PRDM6: variants seen among roughly 807,000 people sequenced by gnomAD.
The protein encoded by PRDM6 is PR/SET domain 6, also known as putative histone-lysine N-methyltransferase PRDM6.
In PRDM6, 25 loss-of-function variants were observed where a neutral mutation model predicts 60.8. The ratio of observed to expected loss-of-function variants is 0.41; its 90% CI spans 0.30 to 0.57. PRDM6 has a LOEUF of 0.57. Ranked by LOEUF, PRDM6 falls within the 20% of genes least tolerant of loss-of-function variation. The pLI, the probability that PRDM6 is intolerant of heterozygous loss-of-function variation, is 0.27. For synonymous variants in PRDM6, 407 were observed against 357.4 expected (o/e 1.14, Z -1.57); for missense variants, 839 against 821.3 (o/e 1.02, Z -0.26).
chr5:123,162,267 G>T (rs1039474843), intron 5 of PRDM6, among the ~76,000 whole-genome samples: 1 of 152,174 alleles, frequency 6.6e-6, no homozygotes. Context: ...GGCATTGAGG[G>T]GTTGGAGTAG....
At chr5:123,117,189 AT>A (rs1276015062) in intron 3 of PRDM6, among the ~76,000 whole-genome samples, 4 of 152,108 alleles carry the variant, frequency 2.6e-5, no homozygotes, top group Non-Finnish European at 5.9e-5. Flanking sequence ...CCAACAGTTC[AT>A]TTAAATTTGG....
In PRDM6 at chr5:123,187,520, G is replaced by A. The variant is rs545784652; in HGVS notation, c.*319G>A. The A allele has an allele frequency of 3.0e-5, 7 of 236,374 alleles. No individual in the cohort carries two copies. The South Asian group carries it at 3.7e-4, about 13-fold the overall frequency. 14.6% of individuals were successfully genotyped at this position (236,374 alleles called of 1,614,324 possible). On this transcript the variant is annotated 3_prime_UTR_variant, in exon 8 of 8. Transcript: ENST00000407847. ...TAAAAACTGTTATTTAATACCAAAG[G>A]GAGGAATCGTATGGGTTCTTCTGCC...
intron 3 of PRDM6, among the ~76,000 whole-genome samples, chr5:123,138,313 G>A (rs1471503055): frequency 6.6e-6 from 1 of 152,214 alleles, no homozygotes; most frequent in Non-Finnish European, 1.5e-5. Context: ...TAAGAGAAGT[G>A]TGAAACATAC....
At chr5:123,176,529 G>C (rs143311773) in intron 6 of PRDM6, among the ~76,000 whole-genome samples, 100 of 152,086 alleles carry the variant, frequency 6.6e-4, no homozygotes, top group Non-Finnish European at 1.2e-3. Flanking sequence ...TGGGCAACCT[G>C]GTGAAACCCC....
intron 3 of PRDM6, among the ~76,000 whole-genome samples, chr5:123,154,616 T>C (rs1765451634): frequency 6.6e-6 from 1 of 152,172 alleles, no homozygotes; most frequent in South Asian, 2.1e-4. Context: ...TCCCCCGGAA[T>C]AGAACTGCTG....
chr5:123,098,791 G>T (rs1231284621), intron 2 of PRDM6, among the ~76,000 whole-genome samples: 4 of 152,192 alleles, frequency 2.6e-5, no homozygotes, highest in Admixed American at 2.0e-4. Flanking sequence ...TAGGGAGAGC[G>T]TGCACACCAA....
At chr5:123,159,410 G>GT in intron 4 of PRDM6, 104 bp from the exon 5 acceptor site, 1 of 1,285,828 alleles carries the variant, frequency 7.8e-7, no homozygotes, top group Non-Finnish European at 1.1e-6. Flanking sequence ...AACAGAAACT[G>GT]TTTAGATGGA....
chr5:123,155,904 A>T lies in PRDM6; in HGVS notation c.921A>T (p.Thr307=), dbSNP rs1267673646. 6.4e-7 allele frequency: 1 copy of T among 1,551,548 alleles called. No individual in the cohort carries two copies. Among genetic ancestry groups the T allele is most frequent in the Non-Finnish European group, 8.7e-7 (1 of 1,146,868 alleles). Reference sequence around the variant, plus strand: ...TCCAGATATATGACCAGGATGGGACACTACAGCACTTTATTGATGGTGGGG... The same window carrying T: ...TCCAGATATATGACCAGGATGGGACTCTACAGCACTTTATTGATGGTGGGG... ...HLWEIYDQDG[T]LQHFIDGGEP... Residue 307 remains threonine, a synonymous_variant, in exon 4 of 8, where the codon ACA becomes ACT. Coordinates refer to ENST00000407847, the MANE Select transcript of PRDM6 (RefSeq NM_001136239.4).
intron 3 of PRDM6, among the ~76,000 whole-genome samples, chr5:123,145,580 C>T (rs942262020): frequency 2.6e-5 from 4 of 152,110 alleles, no homozygotes; most frequent in African/African-American, 7.2e-5. Flanking sequence ...CTTACATACT[C>T]CCTTTCTTGA....
rs114353540 is a variant in PRDM6 at position 123,158,252 on chromosome 5, C to T, written c.1029-1262C>T. Among the ~76,000 whole-genome samples the T allele has an allele frequency of 3.1e-3, 467 of 152,248 alleles. 2 individuals carry two copies. The highest frequency in any genetic ancestry group is 0.011 in the African/African-American group (448 of 41,558). On this transcript the variant is annotated intron_variant, in intron 4 of 7. Coordinates refer to ENST00000407847, the MANE Select transcript of PRDM6 (RefSeq NM_001136239.4). ...TTGCAAGGGTGAAGTACAAAGTAGA[C>T]TCAATTTTTCTCAAGTTAGAAGATG...
rs560661991 is a variant in PRDM6 at position 123,104,436 on chromosome 5, G to A, written c.900+4475G>A. 1.4e-3 allele frequency among the ~76,000 whole-genome samples: 210 copies of A among 151,664 alleles called. 1 individual carries two copies. Among genetic ancestry groups the A allele is most frequent in the Admixed American group, 3.7e-3 (57 of 15,228 alleles). On this transcript the variant is annotated intron_variant, in intron 3 of 7. Transcript: ENST00000407847. ...AAATTAGAATCACTTAAAAGTTGTC[G>A]CAGTGATAGTACTGTAATTATATAT...
chr5:123,107,082 G>T (rs1483170083), intron 3 of PRDM6, among the ~76,000 whole-genome samples: 1 of 152,328 alleles, frequency 6.6e-6, no homozygotes, highest in African/African-American at 2.4e-5. Flanking sequence ...GAGAGCAGGT[G>T]CAGATTGTTT....
At chr5:123,162,092 G>A (rs562153128) in intron 5 of PRDM6, among the ~76,000 whole-genome samples, 1 of 152,342 alleles carries the variant, frequency 6.6e-6, no homozygotes, top group South Asian at 2.1e-4. Flanking sequence ...TTGGCCTGAG[G>A]AGCTGGAAGG....
chr5:123,143,124 A>G (rs759108455), intron 3 of PRDM6, among the ~76,000 whole-genome samples: 22 of 142,714 alleles, frequency 1.5e-4, no homozygotes, highest in Non-Finnish European at 1.4e-4. Flanking sequence ...ATCTGAAAGT[A>G]TGGGATTTGG....
intron 4 of PRDM6, 26 bp from the exon 5 acceptor site, chr5:123,159,488 G>C (rs1765579418): frequency 6.5e-7 from 1 of 1,549,066 alleles, no homozygotes; most frequent in Non-Finnish European, 8.7e-7. Context: ...GTATTACTAA[G>C]CTGGGTTTTC....
chr5:123,115,098 A>G (rs1561819344), intron 3 of PRDM6, among the ~76,000 whole-genome samples: 1 of 152,178 alleles, frequency 6.6e-6, no homozygotes, highest in African/African-American at 2.4e-5. Context: ...TAGTTCTGTA[A>G]ACCTGTGTGA....
At chr5:123,103,387 C>T (rs984933767) in intron 3 of PRDM6, among the ~76,000 whole-genome samples, 1 of 151,992 alleles carries the variant, frequency 6.6e-6, no homozygotes, top group African/African-American at 2.4e-5. Flanking sequence ...GTGCATCAGA[C>T]AATGACTTGC....
intron 5 of PRDM6, among the ~76,000 whole-genome samples, chr5:123,165,642 C>T (rs772805573): frequency 6.6e-6 from 1 of 152,188 alleles, no homozygotes; most frequent in Non-Finnish European, 1.5e-5. Context: ...AAAGTCTAGT[C>T]TCCTTCCAAG....
chr5:123,135,902 G>C (rs1764941166), intron 3 of PRDM6, among the ~76,000 whole-genome samples: 1 of 152,094 alleles, frequency 6.6e-6, no homozygotes, highest in South Asian at 2.1e-4. Flanking sequence ...TTAAAGTTTT[G>C]TTAGATTGTT....
Sources: allele counts gnomAD v4.1 joint callset (sites outside exome capture counted in the v4.1 genomes callset), GRCh38; gene constraint gnomAD v4.1.1; transcripts MANE v1.5; gene names NCBI Gene and HGNC (gene_info 2026-07-23, HGNC 2026-07-21).